The following ALKBH8 variants were observed in gnomAD, a reference collection of about 807,000 sequenced individuals.
ALKBH8 encodes alkB homolog 8, tRNA methyltransferase.
In ALKBH8, 36 loss-of-function variants were observed where a neutral mutation model predicts 59.8. That is an observed-to-expected ratio of 0.60 (90% CI 0.46 to 0.79). The LOEUF (loss-of-function observed/expected upper bound fraction) is 0.79. Ranked by LOEUF, ALKBH8 falls within the 30% of genes least tolerant of loss-of-function variation. ALKBH8 has a pLI of 0.00. For missense variants in ALKBH8, 768 were observed against 801.0 expected, an observed-to-expected ratio of 0.96 and a Z score of 0.50; for synonymous variants, 276 against 273.6, an observed-to-expected ratio of 1.01 and a Z score of -0.09.
chr11:107,551,282 T>TC (rs1864480019), intron 6 of ALKBH8, among the ~76,000 whole-genome samples: 1 of 152,222 alleles, frequency 6.6e-6, no homozygotes, highest in South Asian at 2.1e-4. Context: ...ATCAGTGTGT[T>TC]TACACTTTGA....
chr11:107,524,667 A>G (rs780635392), intron 9 of ALKBH8, among the ~76,000 whole-genome samples: 1 of 152,240 alleles, frequency 6.6e-6, no homozygotes, highest in Non-Finnish European at 1.5e-5. Context: ...CAGTAACATC[A>G]GGATATAAAA....
At chr11:107,531,876 G>A (rs966739631) in intron 8 of ALKBH8, among the ~76,000 whole-genome samples, 1 of 152,156 alleles carries the variant, frequency 6.6e-6, no homozygotes, top group Non-Finnish European at 1.5e-5. Flanking sequence ...GCTGAATGTG[G>A]CCCACTAGCC....
At chr11:107,561,248 G>A (rs1349240004) in intron 1 of ALKBH8, among the ~76,000 whole-genome samples, 1 of 152,080 alleles carries the variant, frequency 6.6e-6, no homozygotes, top group Non-Finnish European at 1.5e-5. Context: ...CCAAGGCAAG[G>A]AGCAGGCAGG....
chr11:107,531,451 T>G (rs1314068535), intron 8 of ALKBH8, among the ~76,000 whole-genome samples: 1 of 152,116 alleles, frequency 6.6e-6, no homozygotes, highest in Non-Finnish European at 1.5e-5. Context: ...ACCGGCCTCC[T>G]CAAAAGAGTC....
intron 7 of ALKBH8, among the ~76,000 whole-genome samples, chr11:107,548,081 C>G (rs957131059): frequency 3.3e-5 from 5 of 152,196 alleles, no homozygotes; most frequent in African/African-American, 9.7e-5. Flanking sequence ...CCTTCACTTA[C>G]AACTCTCCTG....
Position 107,514,776 on chromosome 11 carries a change from T to C in ALKBH8, c.1288-3740A>G, listed in dbSNP as rs184538996. Among the ~76,000 whole-genome samples the C allele has an allele frequency of 5.9e-5, 9 of 152,072 alleles. No individual in the cohort carries two copies. In the East Asian group the frequency reaches 1.4e-3, roughly 23 times the overall value. On this transcript the variant is annotated intron_variant, in intron 10 of 11. Transcript: ENST00000428149. ...TCAAGTATGCCCCAACTCTGAAAGA[T>C]AGCTATACCTTGCTAAAAGTCAACA...
intron 6 of ALKBH8, 104 bp downstream of exon 6, chr11:107,551,704 A>AT (rs1408041307): frequency 1.3e-3 from 491 of 381,490 alleles, no homozygotes; most frequent in Middle Eastern, 2.8e-3. Context: ...CAAAAAAAAA[A>AT]AAATAATAAT....
rs368038911 is a variant in ALKBH8 at position 107,564,569 on chromosome 11, G to C, written c.-7+1032C>G. Among the ~76,000 whole-genome samples, 37 of 152,210 alleles carry C rather than the reference G, an allele frequency of 2.4e-4. No individual in the cohort carries two copies. The East Asian group carries it at 6.0e-3, about 25-fold the overall frequency. On this transcript the variant is annotated intron_variant, in intron 1 of 11. Coordinates refer to ENST00000428149, the MANE Select transcript of ALKBH8 (RefSeq NM_138775.3). ...GAAGGAAAATGGATCGATGAGTAAA[G>C]GAATGAAAGGGAGCTTTCTTCTTTC...
At chr11:107,524,430 TA>T (rs934461669) in intron 9 of ALKBH8, among the ~76,000 whole-genome samples, 1 of 152,168 alleles carries the variant, frequency 6.6e-6, no homozygotes, top group Non-Finnish European at 1.5e-5. Context: ...TTACATTTAA[TA>T]AATGCCCATG....
chr11:107,513,415 C>T (rs1457794557), intron 10 of ALKBH8, among the ~76,000 whole-genome samples: 1 of 152,084 alleles, frequency 6.6e-6, no homozygotes, highest in Non-Finnish European at 1.5e-5. Flanking sequence ...GGTGAGGTTG[C>T]AGAGAAAAGA....
intron 7 of ALKBH8, among the ~76,000 whole-genome samples, chr11:107,540,393 T>A (rs1863987569): frequency 6.6e-6 from 1 of 152,222 alleles, no homozygotes; most frequent in Non-Finnish European, 1.5e-5. Flanking sequence ...TTGAACTGTT[T>A]TGTCTAGCTA....
chr11:107,504,447 G>T lies in ALKBH8; in HGVS notation c.*211C>A. 1.5e-6 allele frequency: 1 copy of T among 680,698 alleles called. No individual in the cohort carries two copies. Among genetic ancestry groups the T allele is most frequent in the African/African-American group, 1.8e-5 (1 of 55,358 alleles). The allele number at this position is 680,698 out of a possible 1,614,324, so 42.2% of individuals were successfully genotyped here. Reference sequence around the variant, plus strand: ...ACTTTTAGAAACCACCTCTCCTAGGGAAGTAGGAGGAGCCAACACCACATC... The same window carrying T: ...ACTTTTAGAAACCACCTCTCCTAGGTAAGTAGGAGGAGCCAACACCACATC... On this transcript the variant is annotated 3_prime_UTR_variant, in exon 12 of 12. Coordinates refer to ENST00000428149, the MANE Select transcript of ALKBH8 (RefSeq NM_138775.3).
chr11:107,526,936 A>G (rs536470231), intron 8 of ALKBH8, among the ~76,000 whole-genome samples: 1 of 151,974 alleles, frequency 6.6e-6, no homozygotes, highest in South Asian at 2.1e-4. Flanking sequence ...CTATCTGTCT[A>G]TCTGTACAAC....
At position 107,505,144 on chromosome 11, in the gene ALKBH8, G is replaced by A. The variant is rs1862327124; in HGVS notation, c.1509C>T (p.Val503=). ...TATTATATTCTTGTTCCATTGCCCA[G>A]ACATAAATGAGTGCCTTCCCACCTG... ...LRPGGKALIY[V]WAMEQEYNKQ... Residue 503 remains valine (V), a synonymous_variant, in exon 12 of 12, where the codon GTC becomes GTT. Transcript: ENST00000428149. The A allele has an allele frequency of 1.3e-6, 2 of 1,550,884 alleles. No individual in the cohort carries two copies.
intron 2 of ALKBH8, among the ~76,000 whole-genome samples, chr11:107,557,970 G>A (rs1864784339): frequency 6.6e-6 from 1 of 152,130 alleles, no homozygotes; most frequent in Non-Finnish European, 1.5e-5. Flanking sequence ...ATTTATACCA[G>A]GTGTTGATGA....
chr11:107,540,752 C>T (rs553813888), intron 7 of ALKBH8, among the ~76,000 whole-genome samples: 2 of 151,950 alleles, frequency 1.3e-5, no homozygotes, highest in Admixed American at 1.3e-4. Context: ...CAAACCACTT[C>T]GATAAAATTA....
intron 7 of ALKBH8, among the ~76,000 whole-genome samples, chr11:107,542,881 G>C (rs1864100458): frequency 6.6e-6 from 1 of 152,178 alleles, no homozygotes; most frequent in Non-Finnish European, 1.5e-5. Context: ...CTGCACTCCA[G>C]CCTGGGCAAC....
At chr11:107,505,351 GA>G (rs1277504621) in intron 11 of ALKBH8, 136 bp from the exon 12 acceptor site, 4 of 766,452 alleles carry the variant, frequency 5.2e-6, no homozygotes, top group Non-Finnish European at 7.6e-6. Context: ...AAACAAAAAG[GA>G]AAAAAAGAAG....
At chr11:107,553,784 A>G in intron 4 of ALKBH8, 63 bp downstream of exon 4, 1 of 1,530,642 alleles carries the variant, frequency 6.5e-7, no homozygotes, top group Admixed American at 2.0e-5. Context: ...CATGAAAGAC[A>G]GAGGAAAGGA....
Sources: gnomAD v4.1 joint callset for allele counts (sites outside exome capture counted in the v4.1 genomes callset) on GRCh38, gnomAD v4.1.1 for gene constraint, MANE v1.5 for transcripts, NCBI Gene and HGNC (gene_info 2026-07-23, HGNC 2026-07-21) for gene names.